Variants in TVP23C observed in about 807,000 individuals in gnomAD.
TVP23C encodes trans-golgi network vesicle protein 23 homolog C, also known as Golgi apparatus membrane protein TVP23 homolog C.
Under a neutral mutation model 28.7 loss-of-function variants are expected in TVP23C, and 19 were observed. The ratio of observed to expected loss-of-function variants is 0.66; its 90% CI spans 0.46 to 0.97. TVP23C has a LOEUF of 0.97. Among genes scored for constraint, TVP23C ranks in the 50% least tolerant of loss-of-function variants. The pLI is 0.00. For missense variants in TVP23C, 186 were observed against 241.3 expected (o/e 0.77, Z 1.52); for synonymous variants, 68 against 81.7 (o/e 0.83, Z 0.90).
At chr17:15,530,544 G>C (rs1982910142) in intron 5 of TVP23C, among the ~76,000 whole-genome samples, 1 of 152,080 alleles carries the variant, frequency 6.6e-6, no homozygotes, top group Non-Finnish European at 1.5e-5. Flanking sequence ...GGTCAGACAG[G>C]AAAAGAATTA....
At chr17:15,547,898 A>G (rs1457823478) in intron 3 of TVP23C, among the ~76,000 whole-genome samples, 1 of 152,234 alleles carries the variant, frequency 6.6e-6, no homozygotes, top group East Asian at 1.9e-4. Flanking sequence ...AATAAGAATC[A>G]ACAGTACCAT....
At chr17:15,542,262 T>C (rs1156589945) in intron 5 of TVP23C, among the ~76,000 whole-genome samples, 2 of 151,914 alleles carry the variant, frequency 1.3e-5, no homozygotes, top group Non-Finnish European at 2.9e-5. Context: ...CAACTAACAA[T>C]GACCCAAACA....
At chr17:15,503,886 T>G (rs1981602837) in intron 5 of TVP23C, among the ~76,000 whole-genome samples, 3 of 146,446 alleles carry the variant, frequency 2.0e-5, no homozygotes, top group Non-Finnish European at 3.0e-5. Context: ...CTAGGAGGAG[T>G]GGGTGTCAGC....
chr17:15,547,933 T>C (rs1315648489), intron 3 of TVP23C, among the ~76,000 whole-genome samples: 1 of 152,184 alleles, frequency 6.6e-6, no homozygotes, highest in Admixed American at 6.5e-5. Flanking sequence ...TGGTGTCCAC[T>C]AATAGATTCA....
chr17:15,520,726 G>A (rs536824053), intron 5 of TVP23C, among the ~76,000 whole-genome samples: 1 of 152,182 alleles, frequency 6.6e-6, no homozygotes, highest in East Asian at 1.9e-4. Context: ...TTAACACTGG[G>A]GGCAAGCAAG....
intron 1 of TVP23C, among the ~76,000 whole-genome samples, chr17:15,556,793 C>T (rs1984154341): frequency 2.6e-5 from 4 of 152,118 alleles, no homozygotes; most frequent in Admixed American, 2.6e-4. Flanking sequence ...CCAGCCTCTC[C>T]TTTACATTAC....
chr17:15,528,094 CT>C (rs1982800457), intron 5 of TVP23C, among the ~76,000 whole-genome samples: 1 of 151,996 alleles, frequency 6.6e-6, no homozygotes, highest in African/African-American at 2.4e-5. Flanking sequence ...TTTTTCAAGT[CT>C]TTATGTTTTT....
At chr17:15,550,200 T>C (rs1053542411) in intron 3 of TVP23C, among the ~76,000 whole-genome samples, 7 of 152,212 alleles carry the variant, frequency 4.6e-5, no homozygotes, top group Admixed American at 2.0e-4. Context: ...TTTTGACATA[T>C]TCAGAAAGTT....
intron 5 of TVP23C, among the ~76,000 whole-genome samples, chr17:15,505,975 C>T (rs1195081842): frequency 6.6e-6 from 1 of 152,262 alleles, no homozygotes; most frequent in Non-Finnish European, 1.5e-5. Context: ...CTCCCACCCG[C>T]TCCATGGGCT....
chr17:15,545,330 G>A (rs565163019), intron 5 of TVP23C, among the ~76,000 whole-genome samples: 1 of 152,196 alleles, frequency 6.6e-6, no homozygotes, highest in African/African-American at 2.4e-5. Context: ...GAGAGGCCAT[G>A]GGACCTCATG....
chr17:15,515,491 G>C (rs1165290058), intron 5 of TVP23C, among the ~76,000 whole-genome samples: 1 of 152,172 alleles, frequency 6.6e-6, no homozygotes, highest in East Asian at 1.9e-4. Context: ...AGGCCCAGTT[G>C]GGAGCCTGAG....
intron 5 of TVP23C, among the ~76,000 whole-genome samples, chr17:15,529,046 T>A (rs1304556342): frequency 1.3e-5 from 2 of 152,316 alleles, no homozygotes; most frequent in East Asian, 3.9e-4. Context: ...GCAAAGCAAC[T>A]CAGTTTTTCT....
At chr17:15,528,386 T>C (rs1411734339) in intron 5 of TVP23C, among the ~76,000 whole-genome samples, 1 of 151,894 alleles carries the variant, frequency 6.6e-6, no homozygotes, top group African/African-American at 2.4e-5. Context: ...GTTGTTTAAT[T>C]TTCACATCTT....
At chr17:15,528,568 T>C (rs1221881408) in intron 5 of TVP23C, among the ~76,000 whole-genome samples, 1 of 152,176 alleles carries the variant, frequency 6.6e-6, no homozygotes, top group African/African-American at 2.4e-5. Flanking sequence ...AGAATGTGTA[T>C]TCTGCTGTTG....
intron 5 of TVP23C, among the ~76,000 whole-genome samples, chr17:15,505,184 A>G (rs1353219536): frequency 6.6e-6 from 1 of 152,194 alleles, no homozygotes; most frequent in Non-Finnish European, 1.5e-5. Context: ...AGGAGGCAAA[A>G]CAAAACAACA....
Position 15,537,968 on chromosome 17 carries a change from C to T in TVP23C, c.*2444G>A. On this transcript the variant is annotated 3_prime_UTR_variant, in exon 6 of 6. Coordinates refer to ENST00000518321, the MANE Select transcript of TVP23C (RefSeq NM_001135036.2). ...CCAACTGCTGGAAAGGAAATAAAAA[C>T]TTAATATGAAAACTACTTTTCCTTT... The T allele has an allele frequency of 1.4e-6, 2 of 1,457,144 alleles. No homozygotes were observed. Among genetic ancestry groups the T allele is most frequent in the Admixed American group, 2.8e-5 (1 of 35,272 alleles). The allele number at this position is 1,457,144 out of a possible 1,614,324, so 90.3% of individuals were successfully genotyped here.
At position 15,539,087 on chromosome 17, in the gene TVP23C, G is replaced by T; in HGVS notation, c.*1325C>A. 1.0e-6 allele frequency: 1 copy of T among 982,008 alleles called. No individual in the cohort carries two copies. 60.8% of individuals were successfully genotyped at this position (982,008 alleles called of 1,614,324 possible). The stretch of plus-strand genomic sequence containing the variant: ...TCTCGGGGCTTTAGTTATCTAAAAT[G>T]TAATCCCTGGACCAGTGCCCTCAGT... On this transcript the variant is annotated 3_prime_UTR_variant, in exon 6 of 6. Transcript: ENST00000518321.
intron 5 of TVP23C, among the ~76,000 whole-genome samples, chr17:15,515,227 T>C (rs931700827): frequency 6.6e-6 from 1 of 152,208 alleles, no homozygotes; most frequent in South Asian, 2.1e-4. Context: ...AGAGTCTCCC[T>C]GTGCAATCCA....
chr17:15,524,331 T>C (rs1177877462), intron 5 of TVP23C, among the ~76,000 whole-genome samples: 1 of 152,158 alleles, frequency 6.6e-6, no homozygotes, highest in Non-Finnish European at 1.5e-5. Context: ...TTTTCCTGTT[T>C]GATTAAACAG....
Sources: gnomAD v4.1 joint callset for allele counts (sites outside exome capture counted in the v4.1 genomes callset) on GRCh38, gnomAD v4.1.1 for gene constraint, MANE v1.5 for transcripts, NCBI Gene and HGNC (gene_info 2026-07-23, HGNC 2026-07-21) for gene names.